The following MAN2B1 variants were observed in gnomAD, a reference collection of about 807,000 sequenced individuals.
MAN2B1 encodes the protein lysosomal alpha-mannosidase.
MAN2B1 carries 99 observed loss-of-function variants against 127.5 expected under a neutral mutation model. That is an observed-to-expected ratio of 0.78 (90% CI 0.66 to 0.92). MAN2B1 has a LOEUF of 0.92. MAN2B1 is among the 40% of genes least tolerant of loss of function. The pLI, the probability that MAN2B1 is intolerant of heterozygous loss-of-function variation, is 0.00. For missense variants in MAN2B1, 1,304 were observed against 1,384.8 expected, an observed-to-expected ratio of 0.94 and a Z score of 0.93; for synonymous variants, 573 against 568.8, an observed-to-expected ratio of 1.01 and a Z score of -0.11.
rs1468152386 is a variant in MAN2B1, at chr19:12,663,390, A to G, written c.836T>C (p.Val279Ala). 29 of 1,613,938 alleles carry G rather than the reference A, an allele frequency of 1.8e-5. No homozygotes were observed. The highest frequency in any genetic ancestry group is 2.5e-5 in the Non-Finnish European group (29 of 1,179,970). The change falls in exon 6 of 24, where the codon GTG becomes GCG. Residue 279 changes from valine (V) to alanine (A), a missense_variant. Physicochemically the swap from Val to Ala is moderately conservative, Grantham distance 64 (BLOSUM62 0). Transcript: ENST00000456935. ...GTACTCGGGGCTGCGAGGGTCCTCC[A>G]CCAGCGGCTGATCGACACACAGCAC... Reference protein sequence around the residue: ...WDVLCVDQPLVEDPRSPEYNA... With the variant: ...WDVLCVDQPLAEDPRSPEYNA...
chr19:12,656,737 A>C, intron 12 of MAN2B1, 50 bp from the exon 13 acceptor site: 1 of 1,365,576 alleles, frequency 7.3e-7, no homozygotes, highest in Non-Finnish European at 1.0e-6. Context: ...GGCCTTCTCC[A>C]AACCCACCCA....
At position 12,649,328 on chromosome 19, in the gene MAN2B1, G is replaced by A. The variant is rs568609418; in HGVS notation, c.2355+13C>T. On this transcript the variant is annotated intron_variant, in intron 19 of 23. Coordinates refer to ENST00000456935, the MANE Select transcript of MAN2B1 (RefSeq NM_000528.4). The stretch of plus-strand genomic sequence containing the variant: ...CTATCGAGGTGGGGAGGTGCAGGAT[G>A]GGGGAGAGCTACCGTGATGTAAATC... The A allele has an allele frequency of 1.9e-6, 3 of 1,610,578 alleles. No homozygotes were observed. Among genetic ancestry groups the A allele is most frequent in the East Asian group, 2.2e-5 (1 of 44,850 alleles).
chr19:12,665,209 G>A, intron 3 of MAN2B1, 143 bp downstream of exon 3: 1 of 1,132,482 alleles, frequency 8.8e-7, no homozygotes, highest in Non-Finnish European at 1.3e-6. Flanking sequence ...TGTATAGGAG[G>A]TCTCCAAATG....
In MAN2B1 at chr19:12,665,381, T is replaced by C. The variant is rs750760521; in HGVS notation, c.407A>G (p.Gln136Arg). ...RWWHQQTNAT[Q>R]EVVRDLVRQG... is the part of the protein sequence containing the mutation. ...GCGCACAAGGTCTCGCACGACTTCCTGTGTGGCATTTGTCTGCTGGTGCCA... is the reference window on the plus strand; with the variant it reads ...GCGCACAAGGTCTCGCACGACTTCCCGTGTGGCATTTGTCTGCTGGTGCCA... The change falls in exon 3 of 24, where the codon CAG becomes CGG. Residue 136 changes from glutamine (Q) to arginine (R), a missense_variant. By Grantham distance (43) the Gln-to-Arg change is conservative. Coordinates refer to ENST00000456935, the MANE Select transcript of MAN2B1 (RefSeq NM_000528.4). The C allele has an allele frequency of 1.8e-5, 29 of 1,610,158 alleles. No individual in the cohort carries two copies. Among genetic ancestry groups the C allele is most frequent in the Non-Finnish European group, 2.5e-5 (29 of 1,180,022 alleles).
intron 7 of MAN2B1, 152 bp downstream of exon 7, chr19:12,661,108 T>C (rs2024091664): frequency 1.5e-6 from 1 of 688,460 alleles, no homozygotes; most frequent in East Asian, 2.7e-5. Context: ...TTTCTGTTGT[T>C]TTGAGCTGCT....
At chr19:12,665,256 C>T (rs1184934148) in intron 3 of MAN2B1, 96 bp downstream of exon 3, 12 of 1,471,698 alleles carry the variant, frequency 8.2e-6, no homozygotes, top group Non-Finnish European at 1.0e-5. Flanking sequence ...GCATGTTATA[C>T]AGCTTGCACG....
chr19:12,650,541 G>C (rs891710804), intron 16 of MAN2B1, among the ~76,000 whole-genome samples: 4 of 151,636 alleles, frequency 2.6e-5, no homozygotes, highest in Non-Finnish European at 4.4e-5. Context: ...TGTATTTTTA[G>C]TAGAGATGGG....
chr19:12,651,248 G>A (rs2023836262), intron 16 of MAN2B1, among the ~76,000 whole-genome samples: 1 of 152,294 alleles, frequency 6.6e-6, no homozygotes, highest in Non-Finnish European at 1.5e-5. Context: ...CTTCCCTGAG[G>A]CTATCAGTAG....
chr19:12,652,614 C>G (rs1398672886), intron 14 of MAN2B1, among the ~76,000 whole-genome samples, 154 bp from the exon 15 acceptor site: 35 of 151,478 alleles, frequency 2.3e-4, no homozygotes, highest in Admixed American at 3.9e-4. Context: ...TCACTGCACC[C>G]CCCACCTCCC....
intron 21 of MAN2B1, 151 bp downstream of exon 21, chr19:12,648,024 C>T: frequency 3.7e-6 from 3 of 803,750 alleles, no homozygotes; most frequent in Non-Finnish European, 6.1e-6. Context: ...TGGCACTGGG[C>T]GGGGACTGCC....
At chr19:12,650,548 T>A (rs1021890386) in intron 16 of MAN2B1, among the ~76,000 whole-genome samples, 1 of 151,162 alleles carries the variant, frequency 6.6e-6, no homozygotes, top group Non-Finnish European at 1.5e-5. Flanking sequence ...TTAGTAGAGA[T>A]GGGGTTTCAC....
chr19:12,652,274 G>C lies in MAN2B1; in HGVS notation c.1929-4C>G. ...GTCACCTATACTGGCGTTGTACCTG[G>C]AGTTGGGGCAGGTGAGAGTCAGGTA... On this transcript the variant is annotated splice_polypyrimidine_tract_variant and splice_region_variant and intron_variant, in intron 15 of 23. Coordinates refer to ENST00000456935, the MANE Select transcript of MAN2B1 (RefSeq NM_000528.4). 1 of 1,613,080 alleles carries C rather than the reference G, an allele frequency of 6.2e-7. No individual in the cohort carries two copies.
At chr19:12,657,084 G>A in intron 11 of MAN2B1, 28 bp from the exon 12 acceptor site, 4 of 1,373,592 alleles carry the variant, frequency 2.9e-6, no homozygotes, top group Non-Finnish European at 2.0e-6. Context: ...GGGACCGGTG[G>A]GTTCAGGACG....
At position 12,646,628 on chromosome 19, in the gene MAN2B1, C is replaced by A; in HGVS notation, c.3028G>T (p.Asp1010Tyr). The change falls in exon 24 of 24, where the codon GAT becomes TAT. Residue 1010 changes from aspartate (D) to tyrosine (Y), a missense_variant. Asp to Tyr is a radical substitution (Grantham distance 160). Coordinates refer to ENST00000456935, the MANE Select transcript of MAN2B1 (RefSeq NM_000528.4). ...GGCCCATCCCAGCAGACCTAACCAT[C>A]CACCTCCTTCCATTGAACTGAGGCC... ...FLASVQWKEV[D>Y]G 6.2e-7 allele frequency: 1 copy of A among 1,611,996 alleles called. No homozygotes were observed. Among genetic ancestry groups the A allele is most frequent in the South Asian group, 1.1e-5 (1 of 91,036 alleles).
intron 7 of MAN2B1, chr19:12,660,781 C>CA (rs2024084717): frequency 9.5e-6 from 1 of 105,658 alleles, no homozygotes; most frequent in African/African-American, 4.4e-5. Context: ...TTTTTTGAGA[C>CA]AGAGTCTTTC....
intron 16 of MAN2B1, 63 bp from the exon 17 acceptor site, chr19:12,650,285 G>T: frequency 9.6e-7 from 1 of 1,044,504 alleles, no homozygotes; most frequent in Non-Finnish European, 1.5e-6. Context: ...TCCTACAAAT[G>T]TCCCCCAACC....
chr19:12,648,547 GGCAACCCCA>G, intron 20 of MAN2B1, 145 bp from the exon 21 acceptor site: 2 of 660,746 alleles, frequency 3.0e-6, no homozygotes, highest in Non-Finnish European at 5.3e-6. Flanking sequence ...GGTCTGGTAG[GGCAACCCCA>G]GCAGAGGCAG....
intron 16 of MAN2B1, among the ~76,000 whole-genome samples, chr19:12,651,848 A>C (rs533912127): frequency 5.1e-4 from 78 of 152,312 alleles, no homozygotes; most frequent in Middle Eastern, 6.8e-3. Context: ...GGCTCTCCTG[A>C]TTCATGGGCC....
At chr19:12,651,034 T>G (rs1412308938) in intron 16 of MAN2B1, among the ~76,000 whole-genome samples, 6 of 145,778 alleles carry the variant, frequency 4.1e-5, no homozygotes, top group Non-Finnish European at 9.0e-5. Flanking sequence ...CAGCAAATGC[T>G]CCCACCTGGT....
Sources: gnomAD v4.1 joint callset for allele counts (sites outside exome capture counted in the v4.1 genomes callset) on GRCh38, gnomAD v4.1.1 for gene constraint, MANE v1.5 for transcripts, NCBI Gene and HGNC (gene_info 2026-07-23, HGNC 2026-07-21) for gene names.